The following RBFOX1 variants were observed in gnomAD, a reference collection of about 807,000 sequenced individuals.
The protein encoded by RBFOX1 is RNA binding fox-1 homolog 1, also known as RNA binding protein fox-1 homolog 1.
Under a neutral mutation model 57.7 loss-of-function variants are expected in RBFOX1, and 8 were observed. The ratio of observed to expected loss-of-function variants is 0.14; its 90% CI spans 0.08 to 0.25. RBFOX1 has a LOEUF of 0.25. RBFOX1 is among the 10% of genes least tolerant of loss of function. RBFOX1 has a pLI of 1.00. For missense variants in RBFOX1, 611 were observed against 548.5 expected (o/e 1.11, Z -1.14); for synonymous variants, 326 against 222.4 (o/e 1.47, Z -4.15).
intron 2 of RBFOX1, among the ~76,000 whole-genome samples, chr16:5,467,780 C>T (rs1387567370): frequency 6.6e-6 from 1 of 152,150 alleles, no homozygotes; most frequent in Non-Finnish European, 1.5e-5. Context: ...AGCCACATGG[C>T]CCTTGGATAG....
chr16:7,052,183 G>T, intron 4 of RBFOX1, 85 bp downstream of exon 4: 2 of 1,525,234 alleles, frequency 1.3e-6, no homozygotes, highest in Non-Finnish European at 1.8e-6. Context: ...CAAGACACGG[G>T]TTCTAAATAA....
chr16:5,248,221 ACATTTC>A, intron 1 of RBFOX1, among the ~76,000 whole-genome samples: 2 of 152,368 alleles, frequency 1.3e-5, no homozygotes, highest in African/African-American at 4.8e-5. Context: ...ATGGAAATTA[ACATTTC>A]CCCCAAGTTT....
intron 3 of RBFOX1, among the ~76,000 whole-genome samples, chr16:5,857,400 A>G (rs1403823013): frequency 6.6e-6 from 1 of 152,196 alleles, no homozygotes; most frequent in African/African-American, 2.4e-5. Context: ...GACATGAGGT[A>G]TACACACACT....
intron 1 of RBFOX1, among the ~76,000 whole-genome samples, chr16:5,369,185 G>A (rs556526): frequency 0.64 from 97,059 of 152,002 alleles, 32,073 homozygotes; most frequent in East Asian, 0.74. Flanking sequence ...TATTTTTAGT[G>A]GAGACTGGGT....
intron 2 of RBFOX1, among the ~76,000 whole-genome samples, chr16:6,409,499 G>T (rs2093389476): frequency 6.6e-6 from 1 of 152,130 alleles, no homozygotes; most frequent in Non-Finnish European, 1.5e-5. Flanking sequence ...AAGTTAAGAT[G>T]CCTTTGAGTG....
At chr16:6,049,428 C>T (rs552504325) in intron 1 of RBFOX1, among the ~76,000 whole-genome samples, 1 of 152,262 alleles carries the variant, frequency 6.6e-6, no homozygotes, top group Non-Finnish European at 1.5e-5. Context: ...AAATAATTAT[C>T]AAGGTATTGC....
intron 5 of RBFOX1, among the ~76,000 whole-genome samples, chr16:7,534,316 C>T (rs1020331873): frequency 6.6e-6 from 1 of 151,886 alleles, no homozygotes; most frequent in African/African-American, 2.4e-5. Context: ...TGGTCTCGAA[C>T]TCCTGGCCTC....
At chr16:6,287,706 A>G (rs1346634330) in intron 1 of RBFOX1, among the ~76,000 whole-genome samples, 1 of 152,180 alleles carries the variant, frequency 6.6e-6, no homozygotes, top group Non-Finnish European at 1.5e-5. Context: ...ACATATAAGC[A>G]TACATATATG....
At chr16:6,751,620 A>G (rs2074944424) in intron 3 of RBFOX1, among the ~76,000 whole-genome samples, 1 of 152,120 alleles carries the variant, frequency 6.6e-6, no homozygotes, top group South Asian at 2.1e-4. Flanking sequence ...CTTGTCTTAG[A>G]CTGCATGAAA....
intron 1 of RBFOX1, among the ~76,000 whole-genome samples, chr16:5,347,568 C>T (rs985517210): frequency 6.6e-6 from 1 of 152,200 alleles, no homozygotes; most frequent in Non-Finnish European, 1.5e-5. Context: ...ACTCATCCTT[C>T]CACTCGTCTG....
intron 2 of RBFOX1, among the ~76,000 whole-genome samples, chr16:6,334,507 C>CGAAA (rs71406369): frequency 8.6e-6 from 1 of 115,954 alleles, no homozygotes; most frequent in African/African-American, 3.5e-5. Flanking sequence ...GATAGCATCT[C>CGAAA]AAAAAAAAAA....
intron 3 of RBFOX1, among the ~76,000 whole-genome samples, chr16:6,891,610 C>T (rs187978102): frequency 6.6e-6 from 1 of 152,220 alleles, no homozygotes; most frequent in Non-Finnish European, 1.5e-5. Flanking sequence ...TGTTCCAAAT[C>T]ACTGAAGCTG....
chr16:5,324,249 A>G (rs2064496721), intron 1 of RBFOX1, among the ~76,000 whole-genome samples: 2 of 152,168 alleles, frequency 1.3e-5, no homozygotes, highest in Admixed American at 1.3e-4. Flanking sequence ...GATCACTTGA[A>G]GTCAGGAGTT....
intron 3 of RBFOX1, among the ~76,000 whole-genome samples, chr16:5,697,871 A>G (rs1392922548): frequency 6.6e-6 from 1 of 152,156 alleles, no homozygotes; most frequent in Non-Finnish European, 1.5e-5. Flanking sequence ...GATCTTTGCA[A>G]TAGTCTTTGG....
At chr16:7,446,798 ATTTTTTTTTTTTTT>A (rs34580591) in intron 4 of RBFOX1, among the ~76,000 whole-genome samples, 183 of 49,038 alleles carry the variant, frequency 3.7e-3, no homozygotes, top group African/African-American at 0.011. Flanking sequence ...AGGTCTAGGT[ATTTTTTTTTTTTTT>A]TTTTTTTTTT....
At chr16:6,024,971 G>T (rs187761222) in intron 1 of RBFOX1, among the ~76,000 whole-genome samples, 39 of 152,318 alleles carry the variant, frequency 2.6e-4, no homozygotes, top group African/African-American at 9.4e-4. Context: ...CAAGCACAAC[G>T]ATCCAGAGGC....
Position 5,370,241 on chromosome 16 carries a change from T to C in RBFOX1, c.220-96975T>C, listed in dbSNP as rs112742114. Among the ~76,000 whole-genome samples the C allele has an allele frequency of 1.3e-3, 204 of 152,282 alleles. 1 individual carries two copies. Among genetic ancestry groups the C allele is most frequent in the African/African-American group, 4.5e-3 (187 of 41,556 alleles). ...GAACCCAATGGTGGGTCAGCTGTGT[T>C]CTTGGCATTGAAAGCACAACAGACT... On this transcript the variant is annotated intron_variant, in intron 1 of 2. Transcript: ENST00000585867.
At chr16:7,285,726 T>C (rs1170166036) in intron 4 of RBFOX1, among the ~76,000 whole-genome samples, 1 of 152,208 alleles carries the variant, frequency 6.6e-6, no homozygotes, top group Non-Finnish European at 1.5e-5. Context: ...TTCCTTTTCA[T>C]TGCTGTGTAG....
At chr16:6,629,520 C>G (rs1413567190) in intron 2 of RBFOX1, among the ~76,000 whole-genome samples, 1 of 152,160 alleles carries the variant, frequency 6.6e-6, no homozygotes, top group Non-Finnish European at 1.5e-5. Context: ...GTTATACTTT[C>G]ATCTTTTGAC....
Sources: allele counts gnomAD v4.1 joint callset (sites outside exome capture counted in the v4.1 genomes callset), GRCh38; gene constraint gnomAD v4.1.1; transcripts MANE v1.5; gene names NCBI Gene and HGNC (gene_info 2026-07-23, HGNC 2026-07-21).